Variants in NECAB1 observed in about 807,000 individuals in gnomAD.
NECAB1 encodes N-terminal EF-hand calcium-binding protein 1.
A neutral mutation model predicts 57.5 loss-of-function variants in NECAB1; 29 were observed. The observed-to-expected ratio is 0.50, with a 90% CI of 0.38 to 0.69. NECAB1 has a LOEUF of 0.69. NECAB1 is among the 30% of genes least tolerant of loss of function. NECAB1 has a pLI of 0.00. For missense variants in NECAB1, 372 were observed against 413.8 expected (o/e 0.90, Z 0.88); for synonymous variants, 142 against 147.7 (o/e 0.96, Z 0.28).
At position 90,957,598 on chromosome 8, in the gene NECAB1, T is replaced by A. The variant is rs904322435; in HGVS notation, c.*2086T>A. ...TGTATGTTTGTGAGAGTTGTATGTA[T>A]GTGAATGTGTGTGAGTGTGTATTCA... On this transcript the variant is annotated 3_prime_UTR_variant, in exon 13 of 13. Transcript: ENST00000417640. 2 of 150,718 alleles carry A rather than the reference T, an allele frequency of 1.3e-5. No homozygotes were observed. Among genetic ancestry groups the A allele is most frequent in the African/African-American group, 4.9e-5 (2 of 41,094 alleles). 9.3% of individuals were successfully genotyped at this position (150,718 alleles called of 1,614,324 possible).
chr8:90,806,344 G>A (rs767018770), intron 2 of NECAB1: 7 of 152,144 alleles, frequency 4.6e-5, no homozygotes, highest in Non-Finnish European at 8.8e-5. Flanking sequence ...CAGGTCCACC[G>A]TGGTGAGCAA....
At chr8:90,941,465 A>T (rs886941504) in intron 10 of NECAB1, among the ~76,000 whole-genome samples, 1 of 152,210 alleles carries the variant, frequency 6.6e-6, no homozygotes, top group Admixed American at 6.5e-5. Context: ...ATCTCAAGCT[A>T]CTAAAATATA....
At chr8:90,946,751 C>G (rs1163363385) in intron 10 of NECAB1, among the ~76,000 whole-genome samples, 1 of 152,188 alleles carries the variant, frequency 6.6e-6, no homozygotes, top group Non-Finnish European at 1.5e-5. Flanking sequence ...CCCAGAGTCC[C>G]TGCTTCCCAG....
intron 5 of NECAB1, among the ~76,000 whole-genome samples, chr8:90,891,775 C>T (rs1809177532): frequency 6.6e-6 from 1 of 151,886 alleles, no homozygotes; most frequent in African/African-American, 2.4e-5. Flanking sequence ...CTCATTGCAA[C>T]CTCCACCTCC....
chr8:90,940,605 A>G lies in NECAB1; in HGVS notation c.748-181A>G, dbSNP rs569470606. On this transcript the variant is annotated intron_variant, in intron 9 of 12. Coordinates refer to ENST00000417640, the MANE Select transcript of NECAB1 (RefSeq NM_022351.5). ...TTCTGGGACTAGAGGCAAGGAAAAT[A>G]TCTTGCCTAGATTACAGCCTTTATA... is the stretch of plus-strand genomic sequence containing the variant. The G allele has an allele frequency of 1.5e-3, 808 of 531,700 alleles. 4 individuals carry two copies. Among genetic ancestry groups the G allele is most frequent in the Non-Finnish European group, 2.3e-3 (683 of 295,846 alleles). The allele number at this position is 531,700 out of a possible 1,614,324, so 32.9% of individuals were successfully genotyped here. A position where few individuals can be genotyped will look rare whatever the true frequency, so the allele number is the denominator to read the frequency against.
intron 2 of NECAB1, among the ~76,000 whole-genome samples, chr8:90,811,073 G>A (rs891523233): frequency 1.3e-5 from 2 of 151,246 alleles, no homozygotes; most frequent in African/African-American, 4.9e-5. Context: ...TCCGCCTCCC[G>A]AGTAGCTGGG....
intron 1 of NECAB1, among the ~76,000 whole-genome samples, chr8:90,800,473 C>G (rs1035528153): frequency 3.3e-5 from 5 of 152,026 alleles, no homozygotes; most frequent in South Asian, 2.1e-4. Context: ...ATAGATGGCT[C>G]TTATTATTTT....
chr8:90,900,482 G>A (rs1809474734), intron 5 of NECAB1, among the ~76,000 whole-genome samples: 1 of 152,122 alleles, frequency 6.6e-6, no homozygotes, highest in Non-Finnish European at 1.5e-5. Flanking sequence ...AAACACAAAG[G>A]GGTTAGTAGA....
chr8:90,826,135 T>C (rs1257670648), intron 3 of NECAB1, among the ~76,000 whole-genome samples: 1 of 151,814 alleles, frequency 6.6e-6, no homozygotes, highest in Admixed American at 6.6e-5. Flanking sequence ...AGAAGAATAT[T>C]CTAATCAGAG....
chr8:90,900,016 C>G (rs535025700), intron 5 of NECAB1, among the ~76,000 whole-genome samples: 1 of 152,200 alleles, frequency 6.6e-6, no homozygotes, highest in East Asian at 1.9e-4. Context: ...CAATGGGGAG[C>G]CTTGAAGAGT....
chr8:90,810,867 AAC>A (rs1811947189), intron 2 of NECAB1, among the ~76,000 whole-genome samples: 1 of 152,188 alleles, frequency 6.6e-6, no homozygotes, highest in African/African-American at 2.4e-5. Context: ...GTTCGGGGAC[AAC>A]ATTGTCCTCT....
At chr8:90,943,958 C>T (rs1360683163) in intron 10 of NECAB1, among the ~76,000 whole-genome samples, 1 of 152,054 alleles carries the variant, frequency 6.6e-6, no homozygotes, top group African/African-American at 2.4e-5. Flanking sequence ...TGCCATGTTG[C>T]CCTGGCTGGT....
intron 5 of NECAB1, among the ~76,000 whole-genome samples, chr8:90,916,929 T>G (rs1809967407): frequency 6.6e-6 from 1 of 152,160 alleles, no homozygotes; most frequent in Non-Finnish European, 1.5e-5. Flanking sequence ...ATAAGCAGAT[T>G]TAGTAAACCA....
At chr8:90,869,625 T>C (rs1246963756) in intron 3 of NECAB1, among the ~76,000 whole-genome samples, 1 of 152,228 alleles carries the variant, frequency 6.6e-6, no homozygotes, top group African/African-American at 2.4e-5. Context: ...GTAGCCCTTT[T>C]TGTGTTGGCC....
intron 10 of NECAB1, among the ~76,000 whole-genome samples, chr8:90,947,324 A>ACC: frequency 6.7e-6 from 1 of 148,588 alleles, no homozygotes; most frequent in East Asian, 2.0e-4. Context: ...ACACACACAC[A>ACC]CACACACACA....
chr8:90,832,697 A>G (rs1424963811), intron 3 of NECAB1, among the ~76,000 whole-genome samples: 1 of 152,150 alleles, frequency 6.6e-6, no homozygotes, highest in Non-Finnish European at 1.5e-5. Flanking sequence ...CCAAACAAAC[A>G]AAATAAGAAT....
rs546981067 is a variant in NECAB1 at position 90,884,573 on chromosome 8, C to T, written c.357+3443C>T. Among the ~76,000 whole-genome samples, 19 of 152,182 alleles carry T rather than the reference C, an allele frequency of 1.2e-4. No individual in the cohort carries two copies. In the East Asian group the frequency reaches 3.7e-3, roughly 29 times the overall value. ...ATACCATATGTGGCATAGTAAAATA[C>T]CCTTGTAGGCTTACAGAAGGCAAGC... On this transcript the variant is annotated intron_variant, in intron 5 of 12. Coordinates refer to ENST00000417640, the MANE Select transcript of NECAB1 (RefSeq NM_022351.5).
At chr8:90,930,379 G>A (rs1810376658) in intron 8 of NECAB1, among the ~76,000 whole-genome samples, 1 of 152,188 alleles carries the variant, frequency 6.6e-6, no homozygotes, top group East Asian at 1.9e-4. Context: ...AGAAAAGGAA[G>A]AGACACATGA....
At chr8:90,914,343 A>G (rs1183793749) in intron 5 of NECAB1, among the ~76,000 whole-genome samples, 1 of 152,198 alleles carries the variant, frequency 6.6e-6, no homozygotes, top group African/African-American at 2.4e-5. Flanking sequence ...ATGTATTCCT[A>G]ATCCTATGAA....
Sources: allele counts gnomAD v4.1 joint callset (sites outside exome capture counted in the v4.1 genomes callset), GRCh38; gene constraint gnomAD v4.1.1; transcripts MANE v1.5; gene names NCBI Gene and HGNC (gene_info 2026-07-23, HGNC 2026-07-21).